Variants in H3C3 observed in about 807,000 individuals in gnomAD.
The protein encoded by H3C3 is H3 clustered histone 3, also known as histone H3.1.
H3C3 carries 14 observed loss-of-function variants against 7.7 expected under a neutral mutation model. The observed-to-expected ratio is 1.81, with a 90% CI of 1.20 to 2.83. H3C3 has a LOEUF of 2.83. Ranked by LOEUF, H3C3 falls within the 30% of genes most tolerant of loss-of-function variation. H3C3 has a pLI of 0.00. For synonymous variants in H3C3, 178 were observed against 77.1 expected (o/e 2.31, Z -6.86); for missense variants, 205 against 191.2 (o/e 1.07, Z -0.43).
At position 26,045,503 on chromosome 6, in the gene H3C3, G is replaced by T. The variant is rs77229960; in HGVS notation, c.93G>T (p.Pro31=). ...LATKAARKSA[P]ATGGVKKPHR... is the part of the protein sequence containing the mutation. ...CTAAAGCAGCCCGTAAGAGCGCTCCGGCCACCGGTGGCGTGAAGAAACCTC... is the reference window on the plus strand; with the variant it reads ...CTAAAGCAGCCCGTAAGAGCGCTCCTGCCACCGGTGGCGTGAAGAAACCTC... The change falls in exon 1 of 1, where the codon CCG becomes CCT. Residue 31 remains proline (P), a synonymous_variant. Transcript: ENST00000612966. 3 of 1,612,784 alleles carry T rather than the reference G, an allele frequency of 1.9e-6. No individual in the cohort carries two copies. Among genetic ancestry groups the T allele is most frequent in the South Asian group, 2.2e-5 (2 of 91,042 alleles).
Position 26,045,748 on chromosome 6 carries a change from T to C in H3C3, c.338T>C (p.Ile113Thr). 1 of 1,614,254 alleles carries C rather than the reference T, an allele frequency of 6.2e-7. No homozygotes were observed. Among genetic ancestry groups the C allele is most frequent in the Non-Finnish European group, 8.5e-7 (1 of 1,180,038 alleles). ...GLFEDTNLCAIHAKRVTIMPK... is the reference protein window; with the variant it reads ...GLFEDTNLCATHAKRVTIMPK... Reference sequence around the variant, plus strand: ...TTCGAAGACACCAATCTGTGCGCTATTCACGCTAAACGCGTCACCATCATG... The same window carrying C: ...TTCGAAGACACCAATCTGTGCGCTACTCACGCTAAACGCGTCACCATCATG... The change falls in exon 1 of 1, where the codon ATT becomes ACT. Residue 113 changes from isoleucine (I) to threonine (T), a missense_variant. Physicochemically the swap from Ile to Thr is moderately conservative, Grantham distance 89. Transcript: ENST00000612966.
In H3C3 at chr6:26,045,503, G is replaced by A. The variant is rs77229960; in HGVS notation, c.93G>A (p.Pro31=). 1,406 of 1,612,902 alleles carry A rather than the reference G, an allele frequency of 8.7e-4. 15 individuals are homozygous for A. The African/African-American group carries it at 0.016, about 18-fold the overall frequency. Residue 31 remains proline (P), a synonymous_variant, in exon 1 of 1, where the codon CCG becomes CCA. Coordinates refer to ENST00000612966, the MANE Select transcript of H3C3 (RefSeq NM_003531.3). ...CTAAAGCAGCCCGTAAGAGCGCTCCGGCCACCGGTGGCGTGAAGAAACCTC... is the reference window on the plus strand; with the variant it reads ...CTAAAGCAGCCCGTAAGAGCGCTCCAGCCACCGGTGGCGTGAAGAAACCTC... ...LATKAARKSA[P]ATGGVKKPHR...
In H3C3 at chr6:26,045,531, C is replaced by T. The variant is rs1761729136; in HGVS notation, c.121C>T (p.Arg41Cys). 6.2e-7 allele frequency: 1 copy of T among 1,613,874 alleles called. No homozygotes were observed. The part of the protein sequence containing the change: ...PATGGVKKPH[R>C]YRPGTVALRE... ...CACCGGTGGCGTGAAGAAACCTCAT[C>T]GCTACCGCCCGGGCACCGTGGCCTT... is the stretch of plus-strand genomic sequence containing the variant. Residue 41 changes from arginine (R) to cysteine (C), a missense_variant, in exon 1 of 1, where the codon CGC becomes TGC. Transcript: ENST00000612966.
At position 26,045,423 on chromosome 6, in the gene H3C3, A is replaced by C. The variant is rs759639335; in HGVS notation, c.13A>C (p.Lys5Gln). The C allele has an allele frequency of 1.9e-6, 3 of 1,608,056 alleles. No homozygotes were observed. Among genetic ancestry groups the C allele is most frequent in the Non-Finnish European group, 8.5e-7 (1 of 1,178,642 alleles). The change falls in exon 1 of 1, where the codon AAG becomes CAG. Residue 5 changes from lysine (K) to glutamine (Q), a missense_variant. Lys to Gln is a moderately conservative substitution (Grantham distance 53, BLOSUM62 1). Coordinates refer to ENST00000612966, the MANE Select transcript of H3C3 (RefSeq NM_003531.3). The part of the protein sequence containing the change: MART[K>Q]QTARKSTGGK... ...GCTCTCATTGCAAATGGCTCGTACGAAGCAAACAGCTCGCAAGTCTACCGG... is the reference window on the plus strand; with the variant it reads ...GCTCTCATTGCAAATGGCTCGTACGCAGCAAACAGCTCGCAAGTCTACCGG...
In H3C3 at chr6:26,045,570, C is replaced by T; in HGVS notation, c.160C>T (p.Arg54Cys). The T allele has an allele frequency of 6.2e-7, 1 of 1,614,130 alleles. No individual in the cohort carries two copies. Among genetic ancestry groups the T allele is most frequent in the Non-Finnish European group, 8.5e-7 (1 of 1,179,972 alleles). Residue 54 changes from arginine to cysteine, a missense_variant, in exon 1 of 1, where the codon CGC becomes TGC. Transcript: ENST00000612966. ...CACCGTGGCCTTGCGCGAAATCCGT[C>T]GCTACCAGAAGTCCACCGAGCTGCT... ...PGTVALREIR[R>C]YQKSTELLIR...
In H3C3 at chr6:26,045,866, C is replaced by A. The variant is rs765914839; in HGVS notation, c.*45C>A. ...ATTGAAAAGGCTCTTTTCAGAGCCACTCACAATTTCACTTAAAAACAGTTG... is the reference window on the plus strand; with the variant it reads ...ATTGAAAAGGCTCTTTTCAGAGCCAATCACAATTTCACTTAAAAACAGTTG... On this transcript the variant is annotated 3_prime_UTR_variant, in exon 1 of 1. Coordinates refer to ENST00000612966, the MANE Select transcript of H3C3 (RefSeq NM_003531.3). 6.4e-7 allele frequency: 1 copy of A among 1,558,398 alleles called. No homozygotes were observed. Among genetic ancestry groups the A allele is most frequent in the African/African-American group, 1.4e-5 (1 of 73,000 alleles).
chr6:26,045,468 C>T lies in H3C3; in HGVS notation c.58C>T (p.Gln20Ter). Residue 20 changes from glutamine to a stop codon, truncating the protein, a stop_gained, in exon 1 of 1, where the codon CAG becomes TAG. Transcript: ENST00000612966. LOFTEE classifies it high-confidence loss of function. ...KSTGGKAPRK[Q>*]LATKAARKSA... ...TACCGGCGGCAAAGCTCCGCGCAAG[C>T]AGCTTGCTACTAAAGCAGCCCGTAA... 4 of 1,609,944 alleles carry T rather than the reference C, an allele frequency of 2.5e-6. No homozygotes were observed. Among genetic ancestry groups the T allele is most frequent in the Non-Finnish European group, 3.4e-6 (4 of 1,179,088 alleles).
chr6:26,045,867 TCA>T, exon 1 of H3C3: 1 of 1,555,756 alleles, frequency 6.4e-7, no homozygotes, highest in Non-Finnish European at 8.8e-7. Context: ...TCAGAGCCAC[TCA>T]CAATTTCACT....
rs773570245 is a variant in H3C3 at position 26,045,616 on chromosome 6, A to G, written c.206A>G (p.Gln69Arg). The part of the protein sequence containing the change: ...TELLIRKLPF[Q>R]RLVREIAQDF... ...CTGCTGATCCGGAAGCTGCCGTTCC[A>G]GCGCCTGGTGCGAGAAATCGCCCAG... The change falls in exon 1 of 1, where the codon CAG (glutamine) becomes CGG (arginine). Residue 69 changes from glutamine (Q) to arginine (R), a missense_variant. Physicochemically the swap from Gln to Arg is conservative, Grantham distance 43 (BLOSUM62 1). Transcript: ENST00000612966. The G allele has an allele frequency of 3.7e-6, 6 of 1,614,152 alleles. No individual in the cohort carries two copies. The highest frequency in any genetic ancestry group is 5.1e-6 in the Non-Finnish European group (6 of 1,180,056).
Position 26,045,784 on chromosome 6 carries a change from T to C in H3C3, c.374T>C (p.Ile125Thr), listed in dbSNP as rs757522458. 14 of 1,614,066 alleles carry C rather than the reference T, an allele frequency of 8.7e-6. No individual in the cohort carries two copies. The highest frequency in any genetic ancestry group is 3.3e-5 in the South Asian group (3 of 91,090). The change falls in exon 1 of 1, where the codon ATC (isoleucine) becomes ACC (threonine). Residue 125 changes from isoleucine to threonine, a missense_variant. Coordinates refer to ENST00000612966, the MANE Select transcript of H3C3 (RefSeq NM_003531.3). ...CGCGTCACCATCATGCCCAAAGATA[T>C]CCAGCTGGCACGTCGCATCCGTGGG... The part of the protein sequence containing the change: ...AKRVTIMPKD[I>T]QLARRIRGER...
In H3C3 at chr6:26,045,456, G is replaced by T. The variant is rs1428894577; in HGVS notation, c.46G>T (p.Ala16Ser). ...AGCTCGCAAGTCTACCGGCGGCAAA[G>T]CTCCGCGCAAGCAGCTTGCTACTAA... is the stretch of plus-strand genomic sequence containing the variant. Reference protein sequence around the residue: ...QTARKSTGGKAPRKQLATKAA... With the variant: ...QTARKSTGGKSPRKQLATKAA... Residue 16 changes from alanine (A) to serine (S), a missense_variant, in exon 1 of 1, where the codon GCT (alanine) becomes TCT (serine). Coordinates refer to ENST00000612966, the MANE Select transcript of H3C3 (RefSeq NM_003531.3). The T allele has an allele frequency of 3.1e-6, 5 of 1,610,198 alleles. No individual in the cohort carries two copies. Among genetic ancestry groups the T allele is most frequent in the Non-Finnish European group, 4.2e-6 (5 of 1,179,176 alleles).
In H3C3 at chr6:26,045,830, G is replaced by A. The variant is rs762789525; in HGVS notation, c.*9G>A. Reference sequence around the variant, plus strand: ...GTGGGGAAAGGGCATAAGTCTGCCCGTTTCTTCCTCATTGAAAAGGCTCTT... The same window carrying A: ...GTGGGGAAAGGGCATAAGTCTGCCCATTTCTTCCTCATTGAAAAGGCTCTT... On this transcript the variant is annotated 3_prime_UTR_variant, in exon 1 of 1. Transcript: ENST00000612966. 1.1e-5 allele frequency: 17 copies of A among 1,609,406 alleles called. No homozygotes were observed. Among genetic ancestry groups the A allele is most frequent in the Middle Eastern group, 1.7e-4 (1 of 6,050 alleles).
chr6:26,045,593 G>T lies in H3C3; in HGVS notation c.183G>T (p.Leu61=). 6.2e-7 allele frequency: 1 copy of T among 1,614,272 alleles called. No individual in the cohort carries two copies. The highest frequency in any genetic ancestry group is 8.5e-7 in the Non-Finnish European group (1 of 1,180,050). The part of the protein sequence containing the change: ...EIRRYQKSTE[L]LIRKLPFQRL... ...GTCGCTACCAGAAGTCCACCGAGCT[G>T]CTGATCCGGAAGCTGCCGTTCCAGC... The change falls in exon 1 of 1, where the codon CTG becomes CTT. Residue 61 remains leucine (L), a synonymous_variant. Coordinates refer to ENST00000612966, the MANE Select transcript of H3C3 (RefSeq NM_003531.3).
Position 26,045,588 on chromosome 6 carries a change from G to T in H3C3, c.178G>T (p.Glu60Ter), listed in dbSNP as rs1251792757. ...REIRRYQKST[E>*]LLIRKLPFQR... ...AATCCGTCGCTACCAGAAGTCCACC[G>T]AGCTGCTGATCCGGAAGCTGCCGTT... Residue 60 changes from glutamate to a stop codon, truncating the protein, a stop_gained, in exon 1 of 1, where the codon GAG becomes TAG. Coordinates refer to ENST00000612966, the MANE Select transcript of H3C3 (RefSeq NM_003531.3). LOFTEE classifies it high-confidence loss of function. The T allele has an allele frequency of 1.2e-6, 2 of 1,614,126 alleles. No individual in the cohort carries two copies. Among genetic ancestry groups the T allele is most frequent in the Non-Finnish European group, 1.7e-6 (2 of 1,180,042 alleles).
At position 26,045,552 on chromosome 6, in the gene H3C3, G is replaced by T. The variant is rs749844493; in HGVS notation, c.142G>T (p.Ala48Ser). Residue 48 changes from alanine (A) to serine (S), a missense_variant, in exon 1 of 1, where the codon GCC (alanine) becomes TCC (serine). Physicochemically the swap from Ala to Ser is moderately conservative, Grantham distance 99. Coordinates refer to ENST00000612966, the MANE Select transcript of H3C3 (RefSeq NM_003531.3). ...TCATCGCTACCGCCCGGGCACCGTG[G>T]CCTTGCGCGAAATCCGTCGCTACCA... is the stretch of plus-strand genomic sequence containing the variant. Reference protein sequence around the residue: ...KPHRYRPGTVALREIRRYQKS... With the variant: ...KPHRYRPGTVSLREIRRYQKS... 13 of 1,614,112 alleles carry T rather than the reference G, an allele frequency of 8.1e-6. No homozygotes were observed. Among genetic ancestry groups the T allele is most frequent in the South Asian group, 2.2e-5 (2 of 91,086 alleles).
At position 26,045,714 on chromosome 6, in the gene H3C3, G is replaced by GT; in HGVS notation, c.305dup (p.Leu104ThrfsTer13). On this transcript the variant is annotated frameshift_variant, in exon 1 of 1. Coordinates refer to ENST00000612966, the MANE Select transcript of H3C3 (RefSeq NM_003531.3). LOFTEE classifies it high-confidence loss of function. ...GCAGGAGGCTTGTGAGGCCTACCTG[G>GT]TGGGACTCTTCGAAGACACCAATCT... is the stretch of plus-strand genomic sequence containing the variant. 8 of 1,614,228 alleles carry GT rather than the reference G, an allele frequency of 5.0e-6. No homozygotes were observed. The highest frequency in any genetic ancestry group is 6.8e-6 in the Non-Finnish European group (8 of 1,180,042).
Position 26,045,524 on chromosome 6 carries a change from A to G in H3C3, c.114A>G (p.Lys38=), listed in dbSNP as rs745647122. 39 of 1,613,440 alleles carry G rather than the reference A, an allele frequency of 2.4e-5. No homozygotes were observed. The Middle Eastern group carries it at 1.8e-3, about 75-fold the overall frequency. ...CTCCGGCCACCGGTGGCGTGAAGAA[A>G]CCTCATCGCTACCGCCCGGGCACCG... The part of the protein sequence containing the change: ...KSAPATGGVK[K]PHRYRPGTVA... The change falls in exon 1 of 1, where the codon AAA becomes AAG. Residue 38 remains lysine (K), a synonymous_variant. Transcript: ENST00000612966.
In H3C3 at chr6:26,045,527, T is replaced by C; in HGVS notation, c.117T>C (p.Pro39=). Reference sequence around the variant, plus strand: ...CGGCCACCGGTGGCGTGAAGAAACCTCATCGCTACCGCCCGGGCACCGTGG... The same window carrying C: ...CGGCCACCGGTGGCGTGAAGAAACCCCATCGCTACCGCCCGGGCACCGTGG... The part of the protein sequence containing the change: ...SAPATGGVKK[P]HRYRPGTVAL... The change falls in exon 1 of 1, where the codon CCT becomes CCC. Residue 39 remains proline (P), a synonymous_variant. Transcript: ENST00000612966. 1 of 1,613,780 alleles carries C rather than the reference T, an allele frequency of 6.2e-7. No individual in the cohort carries two copies. The highest frequency in any genetic ancestry group is 8.5e-7 in the Non-Finnish European group (1 of 1,179,824).
chr6:26,045,805 G>T lies in H3C3; in HGVS notation c.395G>T (p.Arg132Leu). The change falls in exon 1 of 1, where the codon CGT becomes CTT. Residue 132 changes from arginine to leucine, a missense_variant. Transcript: ENST00000612966. ...GATATCCAGCTGGCACGTCGCATCC[G>T]TGGGGAAAGGGCATAAGTCTGCCCG... ...PKDIQLARRI[R>L]GERA The T allele has an allele frequency of 6.2e-7, 1 of 1,614,068 alleles. No homozygotes were observed. Among genetic ancestry groups the T allele is most frequent in the Non-Finnish European group, 8.5e-7 (1 of 1,180,006 alleles).
Sources: allele counts gnomAD v4.1 joint callset, GRCh38; gene constraint gnomAD v4.1.1; transcripts MANE v1.5; gene names NCBI Gene and HGNC (gene_info 2026-07-23, HGNC 2026-07-21).